EPHA6: variants seen among roughly 807,000 people sequenced by gnomAD.
EPHA6 encodes EPH receptor A6.
A neutral mutation model predicts 112.0 loss-of-function variants in EPHA6; 50 were observed. The ratio of observed to expected loss-of-function variants is 0.45; its 90% CI spans 0.36 to 0.56. The LOEUF (loss-of-function observed/expected upper bound fraction) is 0.56, where lower values mean the gene tolerates loss of function less well. EPHA6 is among the 20% of genes least tolerant of loss of function. The pLI, the probability that EPHA6 is intolerant of heterozygous loss-of-function variation, is 0.00. For missense variants in EPHA6, 1,280 were observed against 1,417.4 expected, an observed-to-expected ratio of 0.90 and a Z score of 1.56; for synonymous variants, 529 against 490.7, an observed-to-expected ratio of 1.08 and a Z score of -1.03.
intron 2 of EPHA6, among the ~76,000 whole-genome samples, chr3:96,916,966 A>G (rs2039511677): frequency 6.6e-6 from 1 of 152,174 alleles, no homozygotes; most frequent in Admixed American, 6.6e-5. Context: ...ACTATTTGTG[A>G]ATCATTGCTG....
At position 96,920,369 on chromosome 3, in the gene EPHA6, A is replaced by G. The variant is rs77710717; in HGVS notation, c.450+53480A>G. 2.3e-3 allele frequency among the ~76,000 whole-genome samples: 350 copies of G among 152,086 alleles called. 4 individuals are homozygous for G. Among genetic ancestry groups the G allele is most frequent in the African/African-American group, 7.8e-3 (325 of 41,562 alleles). The stretch of plus-strand genomic sequence containing the variant: ...TAGAAAAATGCCCTTATATTATACT[A>G]CAGTTTAGGGAAAGTAGCAAAAAAT... On this transcript the variant is annotated intron_variant, in intron 2 of 17. Transcript: ENST00000389672.
intron 3 of EPHA6, among the ~76,000 whole-genome samples, chr3:97,057,900 AC>A (rs1232913104): frequency 6.6e-6 from 1 of 152,166 alleles, no homozygotes; most frequent in Non-Finnish European, 1.5e-5. Flanking sequence ...CCATCTCTGT[AC>A]AGAGAGTAAG....
intron 15 of EPHA6, among the ~76,000 whole-genome samples, chr3:97,725,398 G>A (rs1013828288): frequency 4.6e-5 from 7 of 152,106 alleles, no homozygotes; most frequent in African/African-American, 1.4e-4. Context: ...CTTAGAGGTG[G>A]TCAGAGCATT....
At chr3:97,144,870 T>C (rs1262955651) in intron 3 of EPHA6, among the ~76,000 whole-genome samples, 3 of 151,558 alleles carry the variant, frequency 2.0e-5, no homozygotes, top group African/African-American at 7.2e-5. Context: ...TGGTTTTGTT[T>C]CTTTCTTAAT....
intron 14 of EPHA6, among the ~76,000 whole-genome samples, chr3:97,671,126 CTG>C (rs2030772392): frequency 6.6e-6 from 1 of 152,180 alleles, no homozygotes; most frequent in Admixed American, 6.5e-5. Flanking sequence ...AAAAATGTAA[CTG>C]TACCCTTCAT....
In EPHA6 at chr3:97,621,536, C is replaced by A. The variant is rs138840686; in HGVS notation, c.2574+10682C>A. ...AAGTTGAACATCTGGGTCTTGGTAG[C>A]ATAAAGGTAGTTACTAAATGCAAAC... On this transcript the variant is annotated intron_variant, in intron 13 of 17. Transcript: ENST00000389672. Among the ~76,000 whole-genome samples the A allele has an allele frequency of 8.0e-3, 1,216 of 151,876 alleles. 19 individuals are homozygous for A. The highest frequency in any genetic ancestry group is 0.028 in the African/African-American group (1,162 of 41,490).
chr3:97,471,814 A>G (rs2091237315), intron 7 of EPHA6, among the ~76,000 whole-genome samples: 1 of 151,806 alleles, frequency 6.6e-6, no homozygotes, highest in South Asian at 2.1e-4. Context: ...TAGGCTGGAC[A>G]CTGTATTGGT....
chr3:96,998,523 G>A (rs918222762), intron 3 of EPHA6, among the ~76,000 whole-genome samples: 4 of 151,632 alleles, frequency 2.6e-5, no homozygotes, highest in Non-Finnish European at 5.9e-5. Flanking sequence ...TGTTTATTTA[G>A]ATGTAGAATA....
chr3:97,308,637 A>G (rs1350944415), intron 5 of EPHA6, among the ~76,000 whole-genome samples: 3 of 151,782 alleles, frequency 2.0e-5, no homozygotes, highest in Non-Finnish European at 4.4e-5. Context: ...GAAAAATAAA[A>G]TGAATACTCC....
intron 2 of EPHA6, among the ~76,000 whole-genome samples, chr3:96,921,072 A>G (rs2039735420): frequency 6.6e-6 from 1 of 152,014 alleles, no homozygotes; most frequent in Admixed American, 6.6e-5. Context: ...GACCAATTAC[A>G]TTATACTTTA....
intron 5 of EPHA6, among the ~76,000 whole-genome samples, chr3:97,311,905 AT>A (rs1222350119): frequency 2.0e-5 from 3 of 151,708 alleles, no homozygotes; most frequent in Non-Finnish European, 4.4e-5. Flanking sequence ...CACCGGATTT[AT>A]AACTCAATTT....
At chr3:97,046,384 A>C (rs943289409) in intron 3 of EPHA6, among the ~76,000 whole-genome samples, 1 of 152,164 alleles carries the variant, frequency 6.6e-6, no homozygotes, top group Non-Finnish European at 1.5e-5. Context: ...CCATGGTAAA[A>C]ACTGTTGGCA....
intron 3 of EPHA6, among the ~76,000 whole-genome samples, chr3:97,134,628 C>T (rs1272446724): frequency 6.6e-6 from 1 of 151,892 alleles, no homozygotes; most frequent in Non-Finnish European, 1.5e-5. Flanking sequence ...TATGCTTATG[C>T]TTTGTTATTA....
At chr3:97,469,433 A>G (rs1209442624) in intron 7 of EPHA6, among the ~76,000 whole-genome samples, 1 of 151,760 alleles carries the variant, frequency 6.6e-6, no homozygotes, top group African/African-American at 2.4e-5. Flanking sequence ...TGTGGACCTC[A>G]GTCAGATGCC....
chr3:97,334,554 G>A (rs930969004), intron 5 of EPHA6, among the ~76,000 whole-genome samples: 6 of 143,968 alleles, frequency 4.2e-5, no homozygotes, highest in Non-Finnish European at 7.4e-5. Flanking sequence ...ATCATAGCTC[G>A]CTGCAACCTT....
At chr3:97,717,413 G>C (rs1256610040) in intron 14 of EPHA6, among the ~76,000 whole-genome samples, 1 of 152,082 alleles carries the variant, frequency 6.6e-6, no homozygotes, top group Non-Finnish European at 1.5e-5. Context: ...TTAAACAATA[G>C]GAATTTATTT....
intron 3 of EPHA6, among the ~76,000 whole-genome samples, chr3:97,179,400 T>C (rs2076922834): frequency 6.6e-6 from 1 of 152,106 alleles, no homozygotes; most frequent in Non-Finnish European, 1.5e-5. Flanking sequence ...GAGGTCATGG[T>C]TTCCTGGTTG....
intron 3 of EPHA6, among the ~76,000 whole-genome samples, chr3:97,050,410 G>A (rs965555831): frequency 1.3e-5 from 2 of 152,142 alleles, no homozygotes; most frequent in African/African-American, 2.4e-5. Context: ...CATGTGACTC[G>A]GGCTGGGATG....
At chr3:97,533,605 T>C (rs2107652247) in intron 11 of EPHA6, among the ~76,000 whole-genome samples, 1 of 152,186 alleles carries the variant, frequency 6.6e-6, no homozygotes. Flanking sequence ...CCCATATTGA[T>C]TCTGGGCTTT....
Sources: gnomAD v4.1 joint callset for allele counts (sites outside exome capture counted in the v4.1 genomes callset) on GRCh38, gnomAD v4.1.1 for gene constraint, MANE v1.5 for transcripts, NCBI Gene and HGNC (gene_info 2026-07-23, HGNC 2026-07-21) for gene names.